DTNA: variants seen among roughly 807,000 people sequenced by gnomAD.
DTNA encodes the protein dystrobrevin alpha.
Under a neutral mutation model 100.7 loss-of-function variants are expected in DTNA, and 43 were observed. That is an observed-to-expected ratio of 0.43 (90% CI 0.33 to 0.55). DTNA has a LOEUF of 0.55. Among genes scored for constraint, DTNA ranks in the 20% least tolerant of loss-of-function variants. The pLI is 0.04. For missense variants in DTNA, 798 were observed against 953.9 expected, an observed-to-expected ratio of 0.84 and a Z score of 2.15; for synonymous variants, 349 against 347.9, an observed-to-expected ratio of 1.00 and a Z score of -0.04.
At chr18:34,785,000 C>A (rs2094460637) in intron 3 of DTNA, among the ~76,000 whole-genome samples, 1 of 149,350 alleles carries the variant, frequency 6.7e-6, no homozygotes, top group Non-Finnish European at 1.5e-5. Flanking sequence ...GTGGTGCGAT[C>A]TTGGCCCGGT....
chr18:34,820,530 T>C (rs991136019), intron 8 of DTNA, among the ~76,000 whole-genome samples: 3 of 152,208 alleles, frequency 2.0e-5, no homozygotes, highest in Non-Finnish European at 2.9e-5. Context: ...GAAGGATTCC[T>C]GCAGGCCCAT....
intron 1 of DTNA, among the ~76,000 whole-genome samples, chr18:34,552,722 G>T (rs562693035): frequency 1.7e-3 from 253 of 151,360 alleles, no homozygotes; most frequent in Non-Finnish European, 3.3e-3. Context: ...ATTTTTTATG[G>T]TTGCATAGTA....
intron 1 of DTNA, among the ~76,000 whole-genome samples, chr18:34,744,855 C>T (rs1333485435): frequency 6.6e-6 from 1 of 152,112 alleles, no homozygotes; most frequent in Non-Finnish European, 1.5e-5. Flanking sequence ...AGGGCAGTTC[C>T]TTTGAGTCTT....
chr18:34,795,074 G>A (rs1345216149), intron 4 of DTNA, among the ~76,000 whole-genome samples: 10 of 152,246 alleles, frequency 6.6e-5, no homozygotes, highest in South Asian at 2.1e-4. Context: ...CAACCTGGAC[G>A]TAGTACCACC....
rs184720159 is a variant in DTNA at position 34,505,502 on chromosome 18, C to T, written c.-2+11988C>T. Among the ~76,000 whole-genome samples, 370 of 152,240 alleles carry T rather than the reference C, an allele frequency of 2.4e-3. 2 individuals are homozygous for T. The highest frequency in any genetic ancestry group is 0.02 in the Middle Eastern group (6 of 294). On this transcript the variant is annotated intron_variant, in intron 1 of 19. Transcript: ENST00000283365. The stretch of plus-strand genomic sequence containing the variant: ...GCTTACCACACACAGGTTTCTGAGG[C>T]TTTCTTTCTCTCTCTTTTTATTCTC...
intron 1 of DTNA, chr18:34,679,582 T>C (rs1332134510): frequency 3.9e-5 from 6 of 152,194 alleles, no homozygotes; most frequent in African/African-American, 9.6e-5. Flanking sequence ...TGTCCCTTCA[T>C]TGAATTTTAG....
chr18:34,811,540 G>A (rs909137022), intron 5 of DTNA, among the ~76,000 whole-genome samples: 2 of 152,170 alleles, frequency 1.3e-5, no homozygotes, highest in Non-Finnish European at 2.9e-5. Context: ...TTTCTAGCTA[G>A]ATAAATGAAT....
At chr18:34,764,652 G>C (rs770347034) in intron 2 of DTNA, among the ~76,000 whole-genome samples, 4 of 152,226 alleles carry the variant, frequency 2.6e-5, no homozygotes, top group Non-Finnish European at 5.9e-5. Flanking sequence ...TTGAGTTGAA[G>C]AAATGCTAAA....
At chr18:34,494,364 CG>C (rs1231090957) in intron 1 of DTNA, among the ~76,000 whole-genome samples, 1 of 6,722 alleles carries the variant, frequency 1.5e-4, no homozygotes, top group Non-Finnish European at 3.4e-4. Flanking sequence ...GCCCCGGGGA[CG>C]GGGGGCGGCG....
At chr18:34,728,592 A>C (rs2087310404) in intron 1 of DTNA, among the ~76,000 whole-genome samples, 3 of 152,182 alleles carry the variant, frequency 2.0e-5, no homozygotes, top group Admixed American at 2.0e-4. Flanking sequence ...AGGAGGAATC[A>C]GCTTATGTAA....
Position 34,682,066 on chromosome 18 carries a change from G to T in DTNA, c.-1-73910G>T, listed in dbSNP as rs114346043. 4.3e-3 allele frequency among the ~76,000 whole-genome samples: 662 copies of T among 152,192 alleles called. 5 individuals carry two copies. The highest frequency in any genetic ancestry group is 0.015 in the African/African-American group (627 of 41,528). On this transcript the variant is annotated intron_variant, in intron 1 of 19. Transcript: ENST00000283365. ...AATCATACAGTGTGTAGCCTTTTCA[G>T]GTTGGCCTCTTTCACTCAGTAATAT...
chr18:34,747,372 GC>G (rs2091770034), intron 1 of DTNA, among the ~76,000 whole-genome samples: 1 of 151,814 alleles, frequency 6.6e-6, no homozygotes. Flanking sequence ...AGTTTTGGGG[GC>G]TATAGGTGGT....
At chr18:34,602,078 A>G (rs1032870407) in intron 1 of DTNA, among the ~76,000 whole-genome samples, 15 of 152,228 alleles carry the variant, frequency 9.9e-5, no homozygotes, top group African/African-American at 3.4e-4. Context: ...TGTATATTAT[A>G]TATTAGAAAT....
chr18:34,667,417 C>T (rs1184110802), intron 1 of DTNA, among the ~76,000 whole-genome samples: 1 of 152,172 alleles, frequency 6.6e-6, no homozygotes, highest in African/African-American at 2.4e-5. Flanking sequence ...CCCTTTATTT[C>T]CTTCTCCTGC....
At chr18:34,542,829 A>T (rs1238820737) in intron 1 of DTNA, among the ~76,000 whole-genome samples, 1 of 152,156 alleles carries the variant, frequency 6.6e-6, no homozygotes, top group Admixed American at 6.5e-5. Context: ...ATCTGCTTAC[A>T]CCAGCATTTT....
intron 11 of DTNA, among the ~76,000 whole-genome samples, chr18:34,836,467 G>C (rs1440620712): frequency 2.6e-5 from 4 of 152,088 alleles, no homozygotes; most frequent in Admixed American, 6.5e-5. Context: ...AGCCAACATG[G>C]TGAAACCCCA....
At chr18:34,861,926 T>A (rs1277440068) in intron 16 of DTNA, among the ~76,000 whole-genome samples, 1 of 152,192 alleles carries the variant, frequency 6.6e-6, no homozygotes, top group African/African-American at 2.4e-5. Flanking sequence ...CTGATAGTTT[T>A]TAAATGCTTC....
intron 13 of DTNA, among the ~76,000 whole-genome samples, chr18:34,840,399 T>C (rs1156886351): frequency 1.3e-5 from 2 of 152,166 alleles, no homozygotes; most frequent in Admixed American, 1.3e-4. Flanking sequence ...TTAATTGTAT[T>C]GGTCATCTTT....
chr18:34,728,386 C>G (rs1020958607), intron 1 of DTNA, among the ~76,000 whole-genome samples: 24 of 151,930 alleles, frequency 1.6e-4, no homozygotes, highest in Admixed American at 3.3e-4. Context: ...ATCACTTCAA[C>G]TAGTTTAAAA....
Sources: gnomAD v4.1 joint callset for allele counts (sites outside exome capture counted in the v4.1 genomes callset) on GRCh38, gnomAD v4.1.1 for gene constraint, MANE v1.5 for transcripts, NCBI Gene and HGNC (gene_info 2026-07-23, HGNC 2026-07-21) for gene names.